The following MDN1 variants were observed in gnomAD, a reference collection of about 807,000 sequenced individuals.
MDN1 encodes the protein midasin AAA ATPase 1, also known as midasin.
In MDN1, 266 loss-of-function variants were observed where a neutral mutation model predicts 669.2. The observed-to-expected ratio is 0.40, with a 90% CI of 0.36 to 0.44. MDN1 has a LOEUF of 0.44. Ranked by LOEUF, MDN1 falls within the 20% of genes least tolerant of loss-of-function variation. MDN1 has a pLI of 1.00. For synonymous variants in MDN1, 2,385 were observed against 2,457.1 expected, an observed-to-expected ratio of 0.97 and a Z score of 0.87; for missense variants, 5,940 against 6,754.0, an observed-to-expected ratio of 0.88 and a Z score of 4.22.
At chr6:89,652,060 TA>T in intron 95 of MDN1, 131 bp downstream of exon 95, 1 of 667,362 alleles carries the variant, frequency 1.5e-6, no homozygotes, top group Non-Finnish European at 2.5e-6. Context: ...TTTAGGATTG[TA>T]ATTATATTCT....
chr6:89,700,356 T>A (rs932611873), intron 56 of MDN1, 62 bp from the exon 57 acceptor site: 2 of 1,306,122 alleles, frequency 1.5e-6, no homozygotes, highest in African/African-American at 2.9e-5. Flanking sequence ...CTCTAGATTC[T>A]CAACAACCTG....
intron 33 of MDN1, among the ~76,000 whole-genome samples, chr6:89,735,942 C>T (rs1467501576): frequency 6.6e-6 from 1 of 152,148 alleles, no homozygotes; most frequent in African/African-American, 2.4e-5. Context: ...ATTGCTTGAA[C>T]CCAGGAAGCA....
At chr6:89,686,596 T>C (rs1482412773) in intron 69 of MDN1, among the ~76,000 whole-genome samples, 1 of 152,198 alleles carries the variant, frequency 6.6e-6, no homozygotes, top group Non-Finnish European at 1.5e-5. Context: ...TACCAAAAAG[T>C]CAGCTTTCAG....
chr6:89,780,184 CA>C, intron 11 of MDN1, 27 bp downstream of exon 11: 4 of 1,359,562 alleles, frequency 2.9e-6, no homozygotes, highest in South Asian at 2.9e-5. Flanking sequence ...AGAACCAAGA[CA>C]AAAAAGACTG....
intron 67 of MDN1, 87 bp from the exon 68 acceptor site, chr6:89,687,525 A>G: frequency 8.8e-7 from 1 of 1,140,868 alleles, no homozygotes; most frequent in East Asian, 2.5e-5. Flanking sequence ...ACTTTGCTTG[A>G]GTGAAGACTA....
chr6:89,643,721 G>T lies in MDN1; in HGVS notation c.*284C>A, dbSNP rs1276946841. The T allele has an allele frequency of 3.6e-6, 1 of 279,480 alleles. No homozygotes were observed. Among genetic ancestry groups the T allele is most frequent in the East Asian group, 6.8e-5 (1 of 14,800 alleles). The allele number at this position is 279,480 out of a possible 1,614,324, so 17.3% of individuals were successfully genotyped here. On this transcript the variant is annotated 3_prime_UTR_variant, in exon 102 of 102. Coordinates refer to ENST00000369393, the MANE Select transcript of MDN1 (RefSeq NM_014611.3). The stretch of plus-strand genomic sequence containing the variant: ...GAAAACAGGCAGCTGGGCTCCAACG[G>T]TGGGGTATGACCTCCTCCCAGGCCA...
At chr6:89,794,886 T>C in intron 2 of MDN1, 85 bp from the exon 3 acceptor site, 1 of 1,049,460 alleles carries the variant, frequency 9.5e-7, no homozygotes, top group South Asian at 1.5e-5. Context: ...TATCAGAGTA[T>C]TAAATGCATT....
rs372837049 is a variant in MDN1, at chr6:89,710,804, A to T, written c.7652-10T>A. 2.6e-6 allele frequency: 4 copies of T among 1,525,564 alleles called. No individual in the cohort carries two copies. The African/African-American group carries it at 5.5e-5, about 21-fold the overall frequency. The allele number at this position is 1,525,564 out of a possible 1,614,324, so 94.5% of individuals were successfully genotyped here. ...TGAATTTGTATGGACTCTGTGGAGG[A>T]AGGAGAAACCAGTGTTAGACTCTAA... On this transcript the variant is annotated splice_polypyrimidine_tract_variant and intron_variant, in intron 49 of 101. Transcript: ENST00000369393.
chr6:89,730,324 G>A (rs1234250612), intron 35 of MDN1, among the ~76,000 whole-genome samples: 1 of 152,106 alleles, frequency 6.6e-6, no homozygotes, highest in East Asian at 1.9e-4. Context: ...GCCTTCAAGG[G>A]TTCACAAAAC....
chr6:89,807,437 T>C (rs1455887392), intron 1 of MDN1, among the ~76,000 whole-genome samples: 1 of 152,236 alleles, frequency 6.6e-6, no homozygotes, highest in Admixed American at 6.5e-5. Context: ...GTTGTTTCTG[T>C]TAAGAAGTCA....
intron 2 of MDN1, chr6:89,797,733 A>C (rs1396589105): frequency 7.4e-6 from 3 of 405,208 alleles, no homozygotes; most frequent in Non-Finnish European, 1.5e-5. Context: ...TGAATTAAAA[A>C]TGACAAAACA....
chr6:89,720,966 C>A (rs1010330536), intron 40 of MDN1, among the ~76,000 whole-genome samples: 3 of 152,238 alleles, frequency 2.0e-5, no homozygotes, highest in East Asian at 1.9e-4. Context: ...AAGACCACAT[C>A]TCTATTAAAA....
intron 71 of MDN1, among the ~76,000 whole-genome samples, chr6:89,684,420 A>G (rs1383071159): frequency 4.6e-5 from 7 of 151,434 alleles, no homozygotes; most frequent in Non-Finnish European, 1.0e-4. Flanking sequence ...GAGTGCTGCT[A>G]CAGTCATTAA....
At position 89,753,610 on chromosome 6, in the gene MDN1, C is replaced by A. The variant is rs1226351936; in HGVS notation, c.2977G>T (p.Gly993Cys). ...QRSLYEGFCL[G>C]FLTQLDRASH... ...GCCCTGTCAAGCTGTGTTAAGAAAC[C>A]CAAACAAAAACCCTAGAAAGAAAAG... Residue 993 changes from glycine (G) to cysteine (C), a missense_variant, in exon 22 of 102, where the codon GGT (glycine) becomes TGT (cysteine). Coordinates refer to ENST00000369393, the MANE Select transcript of MDN1 (RefSeq NM_014611.3). 5 of 1,612,226 alleles carry A rather than the reference C, an allele frequency of 3.1e-6. No homozygotes were observed. Among genetic ancestry groups the A allele is most frequent in the Non-Finnish European group, 4.2e-6 (5 of 1,178,392 alleles).
At position 89,656,707 on chromosome 6, in the gene MDN1, T is replaced by C; in HGVS notation, c.15278A>G (p.Asn5093Ser). The change falls in exon 91 of 102, where the codon AAC becomes AGC. Residue 5093 changes from asparagine to serine, a missense_variant. By Grantham distance (46) the Asn-to-Ser change is conservative. This residue lies in a region of MDN1 where 2,280 missense variants were observed against 2,576.3 expected (regional missense o/e 0.88). Transcript: ENST00000369393. ...CTGAGGAGTGATAGAAACCTGTGTG[T>C]TTTTCCTGGTGTGCTTCTGGGAGGC... is the stretch of plus-strand genomic sequence containing the variant. ...QLASQKHTRK[N>S]TQSFKRKPGQ... 1 of 1,609,390 alleles carries C rather than the reference T, an allele frequency of 6.2e-7. No homozygotes were observed. Among genetic ancestry groups the C allele is most frequent in the East Asian group, 2.2e-5 (1 of 44,654 alleles).
chr6:89,715,425 A>G (rs1252844246), intron 45 of MDN1, among the ~76,000 whole-genome samples: 1 of 152,128 alleles, frequency 6.6e-6, no homozygotes, highest in Non-Finnish European at 1.5e-5. Context: ...TTCGTCACCA[A>G]TGCAAGGCAA....
intron 58 of MDN1, 88 bp downstream of exon 58, chr6:89,699,513 T>TCTGTC: frequency 7.0e-7 from 1 of 1,432,504 alleles, no homozygotes; most frequent in East Asian, 2.4e-5. Flanking sequence ...ATTTTGAGAA[T>TCTGTC]AAATAAAATG....
At chr6:89,711,749 A>G (rs1422272071) in intron 49 of MDN1, among the ~76,000 whole-genome samples, 3 of 152,222 alleles carry the variant, frequency 2.0e-5, no homozygotes, top group East Asian at 3.8e-4. Context: ...GCAGATGTTC[A>G]AAACTAAAAA....
chr6:89,727,777 T>C, intron 37 of MDN1, 56 bp downstream of exon 37: 1 of 1,612,788 alleles, frequency 6.2e-7, no homozygotes, highest in African/African-American at 1.3e-5. Flanking sequence ...TGTGAAAGGA[T>C]GACTGCTCCT....
Sources: allele counts gnomAD v4.1 joint callset (sites outside exome capture counted in the v4.1 genomes callset), GRCh38; gene constraint gnomAD v4.1.1; regional missense constraint gnomAD v4.1.1; transcripts MANE v1.5; gene names NCBI Gene and HGNC (gene_info 2026-07-23, HGNC 2026-07-21).